Variants in UBE2L3 observed in about 807,000 individuals in gnomAD.
The protein encoded by UBE2L3 is ubiquitin conjugating enzyme E2 L3.
UBE2L3 carries 1 observed loss-of-function variant against 17.8 expected under a neutral mutation model. That is an observed-to-expected ratio of 0.06 (90% CI 0.02 to 0.27). The LOEUF (loss-of-function observed/expected upper bound fraction) is 0.27. UBE2L3 is among the 10% of genes least tolerant of loss of function. UBE2L3 has a pLI of 1.00. For missense variants in UBE2L3, 40 were observed against 192.6 expected, an observed-to-expected ratio of 0.21 and a Z score of 4.69; for synonymous variants, 44 against 68.5, an observed-to-expected ratio of 0.64 and a Z score of 1.76.
chr22:21,578,962 A>ATTATTTAT (rs201411923), intron 1 of UBE2L3, among the ~76,000 whole-genome samples: 1,728 of 148,056 alleles, frequency 0.012, 27 homozygotes, highest in African/African-American at 0.035. Flanking sequence ...AGCTAAGTGT[A>ATTATTTAT]TTATTTATTT....
Position 21,573,987 on chromosome 22 carries a change from G to T in UBE2L3, c.27+6216G>T, listed in dbSNP as rs149208311. Among the ~76,000 whole-genome samples, 917 of 152,298 alleles carry T rather than the reference G, an allele frequency of 6.0e-3. 6 individuals are homozygous for T. Among genetic ancestry groups the T allele is most frequent in the African/African-American group, 0.021 (861 of 41,564 alleles). ...TGAGGGCAGTGCTGATGGATTTAAG[G>T]ACAGGTGGCAGAGATGCCATAGCCT... On this transcript the variant is annotated intron_variant, in intron 1 of 3. Coordinates refer to ENST00000342192, the MANE Select transcript of UBE2L3 (RefSeq NM_003347.4).
At chr22:21,586,875 C>CT (rs34463645) in intron 1 of UBE2L3, among the ~76,000 whole-genome samples, 2,239 of 118,908 alleles carry the variant, frequency 0.019, 79 homozygotes, top group African/African-American at 0.054. Flanking sequence ...TGTGCCCGGC[C>CT]TTTTTTTTTT....
chr22:21,604,580 G>A (rs1246279819), intron 2 of UBE2L3, among the ~76,000 whole-genome samples: 1 of 152,138 alleles, frequency 6.6e-6, no homozygotes, highest in Admixed American at 6.5e-5. Context: ...TTTCTGCAAT[G>A]TTTTATAATA....
chr22:21,569,527 G>C (rs556203445), intron 1 of UBE2L3, among the ~76,000 whole-genome samples: 1 of 151,940 alleles, frequency 6.6e-6, no homozygotes, highest in African/African-American at 2.4e-5. Flanking sequence ...TACCCCTGAC[G>C]GACACCAGAG....
chr22:21,580,361 A>G (rs1231805084), intron 1 of UBE2L3, among the ~76,000 whole-genome samples: 1 of 152,154 alleles, frequency 6.6e-6, no homozygotes, highest in African/African-American at 2.4e-5. Context: ...TGGCCTTATA[A>G]TTGACCACTT....
At chr22:21,601,062 T>C (rs1928829201) in intron 2 of UBE2L3, among the ~76,000 whole-genome samples, 1 of 151,648 alleles carries the variant, frequency 6.6e-6, no homozygotes, top group Non-Finnish European at 1.5e-5. Context: ...TCCCAGCTAC[T>C]TGGGAGGCAG....
chr22:21,556,631 T>TTC (rs1926238708), intron 1 of UBE2L3, among the ~76,000 whole-genome samples: 2 of 149,844 alleles, frequency 1.3e-5, no homozygotes, highest in African/African-American at 2.5e-5. Context: ...TTTTTTGTAT[T>TTC]TTTTTTTTTT....
chr22:21,610,649 C>G (rs961563960), intron 2 of UBE2L3, among the ~76,000 whole-genome samples: 2 of 152,198 alleles, frequency 1.3e-5, no homozygotes, highest in Non-Finnish European at 2.9e-5. Flanking sequence ...ACCAGGACAT[C>G]AATCTCAAGC....
Position 21,604,467 on chromosome 22 carries a change from C to T in UBE2L3, c.124-6390C>T, listed in dbSNP as rs558304296. Among the ~76,000 whole-genome samples the T allele has an allele frequency of 5.9e-5, 9 of 152,300 alleles. No individual in the cohort carries two copies. In the South Asian group the frequency reaches 1.9e-3, roughly 32 times the overall value. Reference sequence around the variant, plus strand: ...AGTGCTGAGATCCCACCATTACACTCCAGCCTGGGCAAGCGTGAGACTCTA... The same window carrying T: ...AGTGCTGAGATCCCACCATTACACTTCAGCCTGGGCAAGCGTGAGACTCTA... On this transcript the variant is annotated intron_variant, in intron 2 of 3. Transcript: ENST00000342192.
intron 2 of UBE2L3, 150 bp downstream of exon 2, chr22:21,593,106 G>T: frequency 1.5e-6 from 1 of 670,964 alleles, no homozygotes; most frequent in Non-Finnish European, 2.6e-6. Flanking sequence ...TGATAAGGTA[G>T]GGAGTGTAGC....
chr22:21,612,643 CTTTTTTTT>C (rs57678378), intron 3 of UBE2L3, among the ~76,000 whole-genome samples: 107 of 52,486 alleles, frequency 2.0e-3, no homozygotes, highest in East Asian at 0.013. Context: ...CTTTTCTTTT[CTTTTTTTT>C]TTTTTTTTTT....
At chr22:21,596,878 C>A in intron 2 of UBE2L3, among the ~76,000 whole-genome samples, 1 of 152,132 alleles carries the variant, frequency 6.6e-6, no homozygotes, top group Non-Finnish European at 1.5e-5. Context: ...TTTTACGTTA[C>A]AGCCATTCTA....
At chr22:21,609,433 G>A (rs1929355317) in intron 2 of UBE2L3, among the ~76,000 whole-genome samples, 1 of 152,166 alleles carries the variant, frequency 6.6e-6, no homozygotes, top group Non-Finnish European at 1.5e-5. Flanking sequence ...GAGTCTGGGT[G>A]CAGTGGCTCA....
intron 1 of UBE2L3, among the ~76,000 whole-genome samples, chr22:21,562,587 G>T (rs1020687465): frequency 5.9e-5 from 9 of 151,264 alleles, no homozygotes; most frequent in Non-Finnish European, 4.4e-5. Context: ...TAGCCAGGAT[G>T]GTCTCGATCT....
At chr22:21,551,990 A>C (rs1926083876) in intron 1 of UBE2L3, among the ~76,000 whole-genome samples, 1 of 72,590 alleles carries the variant, frequency 1.4e-5, no homozygotes, top group Non-Finnish European at 2.6e-5. Flanking sequence ...GAACTGAAGA[A>C]ATACACACAC....
intron 1 of UBE2L3, among the ~76,000 whole-genome samples, chr22:21,583,006 T>C (rs542438616): frequency 6.6e-6 from 1 of 152,270 alleles, no homozygotes; most frequent in South Asian, 2.1e-4. Context: ...TTCCCCTGCC[T>C]CTCTGCATAG....
chr22:21,557,531 T>C (rs1377280347), intron 1 of UBE2L3, among the ~76,000 whole-genome samples: 1 of 152,156 alleles, frequency 6.6e-6, no homozygotes, highest in African/African-American at 2.4e-5. Flanking sequence ...ATCTACTCTT[T>C]TTTTTTTTTG....
intron 1 of UBE2L3, among the ~76,000 whole-genome samples, chr22:21,573,600 T>C (rs1927102118): frequency 6.6e-6 from 1 of 152,146 alleles, no homozygotes; most frequent in South Asian, 2.1e-4. Context: ...GAGGTCGAAC[T>C]TGGCCTGGCC....
At chr22:21,606,166 C>G (rs983671900) in intron 2 of UBE2L3, among the ~76,000 whole-genome samples, 2 of 152,272 alleles carry the variant, frequency 1.3e-5, no homozygotes, top group Admixed American at 6.5e-5. Flanking sequence ...TGGCCTCATT[C>G]ATGCTTCACC....
Sources: gnomAD v4.1 joint callset for allele counts (sites outside exome capture counted in the v4.1 genomes callset) on GRCh38, gnomAD v4.1.1 for gene constraint, MANE v1.5 for transcripts, NCBI Gene and HGNC (gene_info 2026-07-23, HGNC 2026-07-21) for gene names.